SHTN1: variants seen among roughly 807,000 people sequenced by gnomAD.
SHTN1 encodes shootin-1.
SHTN1 carries 42 observed loss-of-function variants against 83.1 expected under a neutral mutation model. The observed-to-expected ratio is 0.51, with a 90% CI of 0.39 to 0.65. The LOEUF is 0.65. Among genes scored for constraint, SHTN1 ranks in the 30% least tolerant of loss-of-function variants. The pLI is 0.00. For synonymous variants in SHTN1, 224 were observed against 247.7 expected (o/e 0.90, Z 0.90); for missense variants, 622 against 737.8 (o/e 0.84, Z 1.82).
At chr10:116,892,470 C>T (rs542143320) in intron 16 of SHTN1, among the ~76,000 whole-genome samples, 1 of 152,168 alleles carries the variant, frequency 6.6e-6, no homozygotes, top group Non-Finnish European at 1.5e-5. Flanking sequence ...CAGATTCCAG[C>T]TATTAAAAGC....
At chr10:117,063,368 G>A (rs919344968) in intron 1 of SHTN1, among the ~76,000 whole-genome samples, 2 of 152,118 alleles carry the variant, frequency 1.3e-5, no homozygotes, top group Non-Finnish European at 2.9e-5. Context: ...CTGCTCCACG[G>A]TTTCACCACG....
chr10:117,097,855 C>G (rs1853528082), intron 1 of SHTN1, among the ~76,000 whole-genome samples: 1 of 152,016 alleles, frequency 6.6e-6, no homozygotes, highest in Admixed American at 6.6e-5. Flanking sequence ...TGTTTTACCT[C>G]TAATATCTTT....
At chr10:116,953,116 CCAAA>C (rs575112976) in intron 5 of SHTN1, among the ~76,000 whole-genome samples, 59 of 152,266 alleles carry the variant, frequency 3.9e-4, no homozygotes, top group South Asian at 1.0e-3. Flanking sequence ...ATTTTATCTA[CCAAA>C]CAAATAAATG....
intron 2 of SHTN1, among the ~76,000 whole-genome samples, chr10:117,033,895 T>A (rs1564936803): frequency 6.6e-6 from 1 of 152,186 alleles, no homozygotes; most frequent in Non-Finnish European, 1.5e-5. Flanking sequence ...ATCAATGTGA[T>A]ACATCATATC....
chr10:116,987,214 T>G (rs1851250176), intron 1 of SHTN1, among the ~76,000 whole-genome samples: 1 of 152,122 alleles, frequency 6.6e-6, no homozygotes, highest in African/African-American at 2.4e-5. Context: ...AAAACAAAAC[T>G]GAGAAGAACT....
chr10:117,034,933 C>T (rs1160670370), intron 2 of SHTN1, among the ~76,000 whole-genome samples: 2 of 152,096 alleles, frequency 1.3e-5, no homozygotes, highest in Admixed American at 1.3e-4. Flanking sequence ...AATGCAATCC[C>T]TCTCAGAATA....
chr10:117,112,692 C>A (rs147939456), intron 1 of SHTN1, among the ~76,000 whole-genome samples: 14 of 152,290 alleles, frequency 9.2e-5, no homozygotes, highest in Non-Finnish European at 1.3e-4. Context: ...CCAGCCTAGA[C>A]GTATTTCCAC....
At chr10:117,107,360 G>A (rs1393712499) in intron 1 of SHTN1, among the ~76,000 whole-genome samples, 1 of 152,132 alleles carries the variant, frequency 6.6e-6, no homozygotes, top group African/African-American at 2.4e-5. Context: ...TAAGGTTGCA[G>A]GCAGCAAAGC....
intron 1 of SHTN1, among the ~76,000 whole-genome samples, chr10:117,102,307 C>A (rs1312224740): frequency 6.6e-6 from 1 of 152,160 alleles, no homozygotes; most frequent in African/African-American, 2.4e-5. Context: ...TATTTCAAAT[C>A]TTTTACTAAG....
intron 1 of SHTN1, among the ~76,000 whole-genome samples, chr10:117,102,403 T>C (rs986307581): frequency 6.6e-6 from 1 of 152,122 alleles, no homozygotes; most frequent in Non-Finnish European, 1.5e-5. Context: ...TAAAATTAAT[T>C]CATCCAAATG....
intron 1 of SHTN1, among the ~76,000 whole-genome samples, chr10:117,003,827 A>C (rs1851907540): frequency 6.6e-6 from 1 of 152,062 alleles, no homozygotes; most frequent in Non-Finnish European, 1.5e-5. Flanking sequence ...AGAAAAGTAC[A>C]TGTTCCTACA....
At chr10:116,905,857 C>T (rs1408430812) in intron 15 of SHTN1, among the ~76,000 whole-genome samples, 4 of 152,122 alleles carry the variant, frequency 2.6e-5, no homozygotes, top group African/African-American at 9.7e-5. Flanking sequence ...TTCCCATGAC[C>T]GAGCTGATGA....
chr10:117,075,176 T>C (rs1853134776), intron 1 of SHTN1, among the ~76,000 whole-genome samples: 2 of 152,176 alleles, frequency 1.3e-5, no homozygotes, highest in South Asian at 4.1e-4. Context: ...ACACAGTATT[T>C]AGGAATCTGC....
At chr10:116,898,911 A>C (rs939660061) in intron 16 of SHTN1, among the ~76,000 whole-genome samples, 7 of 152,188 alleles carry the variant, frequency 4.6e-5, no homozygotes, top group African/African-American at 1.7e-4. Context: ...TTTACCAGAG[A>C]GGAGTTACTC....
chr10:116,992,361 T>G (rs1394944878), intron 1 of SHTN1, among the ~76,000 whole-genome samples: 1 of 152,210 alleles, frequency 6.6e-6, no homozygotes, highest in Non-Finnish European at 1.5e-5. Flanking sequence ...TCTCCTTGTC[T>G]TGCAAATTGT....
chr10:116,960,245 G>GA lies in SHTN1; in HGVS notation c.173-16dup, dbSNP rs747597316. On this transcript the variant is annotated splice_polypyrimidine_tract_variant and intron_variant, in intron 3 of 16. Coordinates refer to ENST00000355371, the MANE Select transcript of SHTN1 (RefSeq NM_001127211.3). ...CATGTGAGAAACTAGGAATGAGGGG[G>GA]AAAAAAAATCTCAGCATTCAAAGAT... 3.6e-5 allele frequency: 51 copies of GA among 1,428,028 alleles called. No homozygotes were observed. The highest frequency in any genetic ancestry group is 9.9e-5 in the African/African-American group (7 of 70,860). 88.5% of individuals were successfully genotyped at this position (1,428,028 alleles called of 1,614,324 possible).
chr10:116,940,700 AT>A, intron 8 of SHTN1, 88 bp from the exon 9 acceptor site: 2 of 1,103,238 alleles, frequency 1.8e-6, no homozygotes, highest in Non-Finnish European at 2.5e-6. Context: ...AGTACATGGA[AT>A]TTTTATTAAA....
At chr10:117,020,664 T>C (rs945461384) in intron 2 of SHTN1, among the ~76,000 whole-genome samples, 1 of 151,346 alleles carries the variant, frequency 6.6e-6, no homozygotes, top group African/African-American at 2.4e-5. Context: ...AAAAACTAAT[T>C]CAAGAAAAAT....
Position 116,915,428 on chromosome 10 carries a change from T to A in SHTN1, c.1252A>T (p.Lys418Ter). The change falls in exon 13 of 17, where the codon AAA becomes TAA. Residue 418 changes from lysine to a stop codon, truncating the protein, a stop_gained. Transcript: ENST00000355371. LOFTEE classifies it high-confidence loss of function. ...QAVEEMMDRI[K>*]KGVHLRPVNQ... The stretch of plus-strand genomic sequence containing the variant: ...ACGGGTCTAAGATGAACTCCCTTTT[T>A]AATTCTATCCATCATCTCTTCAACT... 1 of 1,612,708 alleles carries A rather than the reference T, an allele frequency of 6.2e-7. No individual in the cohort carries two copies. The highest frequency in any genetic ancestry group is 2.2e-5 in the East Asian group (1 of 44,848).
Sources: gnomAD v4.1 joint callset for allele counts (sites outside exome capture counted in the v4.1 genomes callset) on GRCh38, gnomAD v4.1.1 for gene constraint, MANE v1.5 for transcripts, NCBI Gene and HGNC (gene_info 2026-07-23, HGNC 2026-07-21) for gene names.